Variants in TASP1 observed in about 807,000 individuals in gnomAD.
TASP1 encodes taspase 1, also known as threonine aspartase 1.
TASP1 carries 16 observed loss-of-function variants against 56.6 expected under a neutral mutation model. The ratio of observed to expected loss-of-function variants is 0.28; its 90% CI spans 0.19 to 0.43. TASP1 has a LOEUF of 0.43. Among genes scored for constraint, TASP1 ranks in the 20% least tolerant of loss-of-function variants. TASP1 has a pLI of 1.00. For synonymous variants in TASP1, 179 were observed against 184.2 expected (o/e 0.97, Z 0.23); for missense variants, 393 against 511.6 (o/e 0.77, Z 2.24).
At chr20:13,429,036 A>G (rs2042711168) in intron 12 of TASP1, among the ~76,000 whole-genome samples, 1 of 152,224 alleles carries the variant, frequency 6.6e-6, no homozygotes, top group Admixed American at 6.5e-5. Flanking sequence ...CAGCGCCTGG[A>G]AAGATATTTC....
chr20:13,162,579 A>G, the TASP1 span, among the ~76,000 whole-genome samples: 3 of 152,170 alleles, frequency 2.0e-5, no homozygotes, highest in Admixed American at 6.5e-5. Context: ...TAGAAATAAT[A>G]TTAGACAAAT....
At chr20:13,159,522 G>A in the TASP1 span, among the ~76,000 whole-genome samples, 5 of 152,162 alleles carry the variant, frequency 3.3e-5, no homozygotes, top group South Asian at 2.1e-4. Context: ...TACTCATTAA[G>A]TATAGGCTCA....
chr20:13,332,307 G>T, the TASP1 span, among the ~76,000 whole-genome samples: 7 of 151,864 alleles, frequency 4.6e-5, no homozygotes, highest in African/African-American at 1.4e-4. Context: ...GCCATGAAAG[G>T]TACTGAAATA....
chr20:13,605,052 A>C (rs2048100169), intron 4 of TASP1, among the ~76,000 whole-genome samples: 1 of 150,536 alleles, frequency 6.6e-6, no homozygotes, highest in South Asian at 2.1e-4. Context: ...TGAATCTCAA[A>C]AGCATTACGT....
the TASP1 span, among the ~76,000 whole-genome samples, chr20:13,197,034 T>C: frequency 6.6e-6 from 1 of 152,232 alleles, no homozygotes; most frequent in Non-Finnish European, 1.5e-5. Context: ...TGAGGGACTA[T>C]AAGGTCTGTT....
At chr20:13,168,747 C>A in the TASP1 span, 3 of 152,118 alleles carry the variant, frequency 2.0e-5, no homozygotes, top group East Asian at 1.9e-4. Flanking sequence ...ACAATTGTAA[C>A]AACAGCAATT....
chr20:13,393,057 C>A, intron 13 of TASP1: 1 of 594,380 alleles, frequency 1.7e-6, no homozygotes, highest in Non-Finnish European at 3.1e-6. Flanking sequence ...CTGCTGAGGC[C>A]CCCATGTTTA....
At chr20:13,452,592 T>C (rs2043666383) in intron 11 of TASP1, among the ~76,000 whole-genome samples, 1 of 151,912 alleles carries the variant, frequency 6.6e-6, no homozygotes, top group East Asian at 1.9e-4. Flanking sequence ...TACAGGCAAC[T>C]AGACTATCTG....
chr20:13,527,367 C>T (rs1206333767), intron 10 of TASP1, among the ~76,000 whole-genome samples: 1 of 152,022 alleles, frequency 6.6e-6, no homozygotes, highest in African/African-American at 2.4e-5. Context: ...GAAAGGAAGC[C>T]ATATTTGTCC....
intron 4 of TASP1, among the ~76,000 whole-genome samples, chr20:13,617,931 G>T (rs530914985): frequency 6.6e-6 from 1 of 152,046 alleles, no homozygotes; most frequent in Non-Finnish European, 1.5e-5. Flanking sequence ...GGACTGGCAG[G>T]CCTTAGAAGT....
chr20:13,221,009 G>A, the TASP1 span, among the ~76,000 whole-genome samples: 2 of 152,036 alleles, frequency 1.3e-5, no homozygotes, highest in African/African-American at 4.8e-5. Context: ...AGGGCGCCCC[G>A]GCTACCGCCA....
chr20:13,120,787 T>C, the TASP1 span, among the ~76,000 whole-genome samples: 1 of 152,236 alleles, frequency 6.6e-6, no homozygotes, highest in African/African-American at 2.4e-5. Context: ...CCTCTGCTAA[T>C]TGGAAGTTGC....
intron 12 of TASP1, 47 bp downstream of exon 12, chr20:13,434,997 T>TG: frequency 7.1e-7 from 1 of 1,410,724 alleles, no homozygotes; most frequent in Non-Finnish European, 9.7e-7. Context: ...CATTTTTTCT[T>TG]GGAAAAAAAA....
intron 7 of TASP1, 140 bp downstream of exon 7, chr20:13,569,367 A>C: frequency 1.8e-6 from 1 of 568,338 alleles, no homozygotes; most frequent in Non-Finnish European, 2.8e-6. Context: ...ATAACTTTCT[A>C]CGTAGCTTTT....
At chr20:13,486,887 G>A (rs1242500806) in intron 10 of TASP1, among the ~76,000 whole-genome samples, 1 of 152,174 alleles carries the variant, frequency 6.6e-6, no homozygotes, top group Non-Finnish European at 1.5e-5. Flanking sequence ...CATACTTAAT[G>A]ATGAAACGCT....
the TASP1 span, among the ~76,000 whole-genome samples, chr20:13,312,039 CAATT>C: frequency 2.7e-5 from 4 of 150,560 alleles, no homozygotes; most frequent in Admixed American, 6.6e-5. Flanking sequence ...TAAATATAGA[CAATT>C]AATCATTTGT....
At chr20:13,234,281 G>C in the TASP1 span, among the ~76,000 whole-genome samples, 2 of 152,190 alleles carry the variant, frequency 1.3e-5, no homozygotes, top group Admixed American at 6.5e-5. Flanking sequence ...ATGTTGCTGC[G>C]AGAGACATGA....
intron 10 of TASP1, among the ~76,000 whole-genome samples, chr20:13,499,702 G>C (rs746499637): frequency 1.3e-5 from 2 of 151,944 alleles, no homozygotes; most frequent in Non-Finnish European, 2.9e-5. Context: ...AACCACCGAA[G>C]CACCTTTCTT....
Position 13,587,382 on chromosome 20 carries a change from A to T in TASP1, c.283-12T>A. On this transcript the variant is annotated splice_polypyrimidine_tract_variant and intron_variant, in intron 4 of 13. Coordinates refer to ENST00000337743, the MANE Select transcript of TASP1 (RefSeq NM_017714.3). ...GTAAAAGGAGAATCCTAAAAGACAA[A>T]AACAAAAATTAAAATATCATTAGTC... 1 of 1,582,334 alleles carries T rather than the reference A, an allele frequency of 6.3e-7. No homozygotes were observed. Among genetic ancestry groups the T allele is most frequent in the Non-Finnish European group, 8.6e-7 (1 of 1,166,376 alleles).
Sources: allele counts gnomAD v4.1 joint callset (sites outside exome capture counted in the v4.1 genomes callset), GRCh38; gene constraint gnomAD v4.1.1; transcripts MANE v1.5; gene names NCBI Gene and HGNC (gene_info 2026-07-23, HGNC 2026-07-21).